The following COP1 variants were observed in gnomAD, a reference collection of about 807,000 sequenced individuals.
COP1 encodes E3 ubiquitin-protein ligase COP1.
Under a neutral mutation model 101.3 loss-of-function variants are expected in COP1, and 24 were observed. The ratio of observed to expected loss-of-function variants is 0.24; its 90% confidence interval spans 0.17 to 0.33. The LOEUF (loss-of-function observed/expected upper bound fraction) is 0.33. Among genes scored for constraint, COP1 ranks in the 10% least tolerant of loss-of-function variants. The pLI is 1.00. For missense variants in COP1, 663 were observed against 906.2 expected (o/e 0.73, Z 3.45); for synonymous variants, 347 against 341.9 (o/e 1.01, Z -0.17).
chr1:175,953,816 C>T (rs1211660738), intron 18 of COP1, among the ~76,000 whole-genome samples: 2 of 146,086 alleles, frequency 1.4e-5, no homozygotes, highest in South Asian at 2.1e-4. Flanking sequence ...AAAGCCAAAA[C>T]TGACAAAACT....
At chr1:176,193,262 A>C (rs1699305589) in intron 1 of COP1, among the ~76,000 whole-genome samples, 1 of 152,186 alleles carries the variant, frequency 6.6e-6, no homozygotes, top group Non-Finnish European at 1.5e-5. Flanking sequence ...TATTATCAAA[A>C]AGGAAAACAA....
At chr1:176,173,669 C>T (rs1165775212) in intron 3 of COP1, among the ~76,000 whole-genome samples, 1 of 150,710 alleles carries the variant, frequency 6.6e-6, no homozygotes, top group Non-Finnish European at 1.5e-5. Flanking sequence ...AATGTGACTT[C>T]ACTGTTCATT....
chr1:175,961,518 A>G (rs1328354109), intron 18 of COP1, among the ~76,000 whole-genome samples: 1 of 152,020 alleles, frequency 6.6e-6, no homozygotes, highest in East Asian at 1.9e-4. Flanking sequence ...ATAGGCCAAC[A>G]GGGGAAATGG....
intron 18 of COP1, among the ~76,000 whole-genome samples, chr1:175,976,267 A>ATTTTT (rs1225101059): frequency 1.4e-4 from 6 of 41,748 alleles, no homozygotes; most frequent in East Asian, 1.1e-3. Flanking sequence ...TCAATTAGTC[A>ATTTTT]TTCTTTTTTT....
At chr1:176,112,163 C>G (rs1193685277) in intron 9 of COP1, among the ~76,000 whole-genome samples, 1 of 148,878 alleles carries the variant, frequency 6.7e-6, no homozygotes, top group Non-Finnish European at 1.5e-5. Flanking sequence ...TCTCAGTGCA[C>G]TATCTCAAAC....
chr1:176,013,476 T>C lies in COP1; in HGVS notation c.1729+14096A>G, dbSNP rs550528428. 1.0e-3 allele frequency among the ~76,000 whole-genome samples: 156 copies of C among 152,320 alleles called. 2 individuals are homozygous for C. The highest frequency in any genetic ancestry group is 6.8e-3 in the Middle Eastern group (2 of 294). On this transcript the variant is annotated intron_variant, in intron 15 of 19. Transcript: ENST00000367669. ...GAATATAAAGGATTTAAGTTTCATT[T>C]AATGAGCAAACCTACTTGGTTCTCC...
chr1:176,156,161 T>A (rs887071004), intron 5 of COP1, among the ~76,000 whole-genome samples: 6 of 152,154 alleles, frequency 3.9e-5, no homozygotes, highest in Admixed American at 2.6e-4. Flanking sequence ...GGAAGTTTAG[T>A]AAACTGAGTT....
intron 12 of COP1, among the ~76,000 whole-genome samples, chr1:176,044,400 T>C (rs1671146195): frequency 1.3e-5 from 2 of 152,188 alleles, no homozygotes; most frequent in African/African-American, 4.8e-5. Context: ...ATCTAAAAAC[T>C]TCTGCTGAGA....
intron 15 of COP1, among the ~76,000 whole-genome samples, chr1:175,990,016 C>T (rs552846813): frequency 6.6e-6 from 1 of 151,796 alleles, no homozygotes; most frequent in South Asian, 2.1e-4. Context: ...CTACTCTAAC[C>T]TTTATTATTT....
At chr1:176,113,852 T>A (rs1232989584) in intron 9 of COP1, among the ~76,000 whole-genome samples, 1 of 152,008 alleles carries the variant, frequency 6.6e-6, no homozygotes, top group East Asian at 1.9e-4. Context: ...ACTTATGTAA[T>A]GATAAATCTT....
chr1:176,148,347 G>T (rs1691898994), intron 6 of COP1, among the ~76,000 whole-genome samples: 1 of 149,054 alleles, frequency 6.7e-6, no homozygotes, highest in African/African-American at 2.5e-5. Context: ...ATCCTAATTA[G>T]ACAATTCTTA....
intron 6 of COP1, among the ~76,000 whole-genome samples, chr1:176,138,373 C>G (rs929275529): frequency 6.6e-6 from 1 of 152,062 alleles, no homozygotes; most frequent in Non-Finnish European, 1.5e-5. Context: ...GCCAGAAAAC[C>G]AGGGGAAATG....
chr1:175,958,332 A>G (rs1650924142), intron 18 of COP1, among the ~76,000 whole-genome samples: 1 of 150,966 alleles, frequency 6.6e-6, no homozygotes, highest in African/African-American at 2.4e-5. Context: ...TAATATATAA[A>G]CCCCTTATCA....
intron 12 of COP1, 123 bp from the exon 13 acceptor site, chr1:176,043,941 T>C: frequency 4.7e-6 from 3 of 641,476 alleles, no homozygotes; most frequent in Non-Finnish European, 8.4e-6. Flanking sequence ...TTCACAATCA[T>C]TATTCTGCCC....
chr1:176,033,429 A>AAAT (rs892584384), intron 14 of COP1, among the ~76,000 whole-genome samples: 5 of 151,952 alleles, frequency 3.3e-5, no homozygotes, highest in East Asian at 1.9e-4. Flanking sequence ...CTCTGTCTCA[A>AAAT]AATAATAATA....
chr1:176,043,356 A>T, intron 13 of COP1, 89 bp from the exon 14 acceptor site: 1 of 777,540 alleles, frequency 1.3e-6, no homozygotes, highest in South Asian at 1.6e-5. Flanking sequence ...ATATCAATTT[A>T]TTGTTACGGG....
intron 18 of COP1, among the ~76,000 whole-genome samples, chr1:175,973,922 G>A (rs558424780): frequency 1.3e-5 from 2 of 152,292 alleles, no homozygotes; most frequent in South Asian, 4.1e-4. Context: ...CCCAGCATTC[G>A]GTGTTTGAGG....
intron 6 of COP1, among the ~76,000 whole-genome samples, chr1:176,148,073 T>C (rs1246134611): frequency 6.6e-6 from 1 of 151,774 alleles, no homozygotes; most frequent in African/African-American, 2.4e-5. Flanking sequence ...TCTTCTTTCC[T>C]ACCACAAAAA....
chr1:176,160,151 G>GGAAACAAA (rs1465335320), intron 5 of COP1: 1 of 223,948 alleles, frequency 4.5e-6, no homozygotes, highest in Non-Finnish European at 9.0e-6. Flanking sequence ...AAGCCAAAAA[G>GGAAACAAA]GAAACAAAGA....
Sources: gnomAD v4.1 joint callset for allele counts (sites outside exome capture counted in the v4.1 genomes callset) on GRCh38, gnomAD v4.1.1 for gene constraint, MANE v1.5 for transcripts, NCBI Gene and HGNC (gene_info 2026-07-23, HGNC 2026-07-21) for gene names.